The following NOX4 variants were observed in gnomAD, a reference collection of about 807,000 sequenced individuals.
NOX4 encodes kidney oxidase-1.
NOX4 carries 69 observed loss-of-function variants against 87.6 expected under a neutral mutation model. The observed-to-expected ratio is 0.79, with a 90% CI of 0.65 to 0.96. The LOEUF (loss-of-function observed/expected upper bound fraction) is 0.96. Among genes scored for constraint, NOX4 ranks in the 40% least tolerant of loss-of-function variants. The pLI is 0.00. For synonymous variants in NOX4, 275 were observed against 238.2 expected (o/e 1.15, Z -1.42); for missense variants, 680 against 681.5 (o/e 1.00, Z 0.02).
chr11:89,444,308 C>G (rs1049269880), intron 4 of NOX4, 76 bp from the exon 5 acceptor site: 1 of 1,226,962 alleles, frequency 8.2e-7, no homozygotes, highest in Non-Finnish European at 1.2e-6. Flanking sequence ...TCTTCCTCTC[C>G]CTAAGTAAAT....
intron 2 of NOX4, among the ~76,000 whole-genome samples, chr11:89,460,296 C>T (rs536508248): frequency 6.6e-6 from 1 of 152,232 alleles, no homozygotes; most frequent in South Asian, 2.1e-4. Flanking sequence ...GCAACAAAAG[C>T]CACAATTGAC....
intron 12 of NOX4, among the ~76,000 whole-genome samples, chr11:89,364,198 G>A (rs928839462): frequency 2.0e-5 from 3 of 152,000 alleles, no homozygotes; most frequent in African/African-American, 7.2e-5. Context: ...AGTGAGCTAT[G>A]ATTATGCTAC....
intron 17 of NOX4, among the ~76,000 whole-genome samples, chr11:89,330,161 A>C (rs543716747): frequency 2.6e-5 from 4 of 152,146 alleles, no homozygotes; most frequent in Admixed American, 2.0e-4. Flanking sequence ...CAGCCTGGCC[A>C]ACAGAGTGAG....
intron 15 of NOX4, among the ~76,000 whole-genome samples, chr11:89,339,093 A>T (rs1020252780): frequency 5.9e-5 from 9 of 152,184 alleles, no homozygotes; most frequent in Non-Finnish European, 8.8e-5. Flanking sequence ...TGAATGATAG[A>T]ATGACTGACT....
rs184578222 is a variant in NOX4, at chr11:89,433,574, A to G, written c.476-718T>C. Among the ~76,000 whole-genome samples, 446 of 152,208 alleles carry G rather than the reference A, an allele frequency of 2.9e-3. 1 individual carries two copies. Among genetic ancestry groups the G allele is most frequent in the African/African-American group, 8.9e-3 (368 of 41,562 alleles). Reference sequence around the variant, plus strand: ...TAACTGCTTTTAGGCTTCACTAACTAGAATAATTTTAAACAAAAAATAAAG... The same window carrying G: ...TAACTGCTTTTAGGCTTCACTAACTGGAATAATTTTAAACAAAAAATAAAG... On this transcript the variant is annotated intron_variant, in intron 6 of 17. Transcript: ENST00000263317.
intron 12 of NOX4, among the ~76,000 whole-genome samples, chr11:89,360,125 G>C (rs1413371807): frequency 6.6e-6 from 1 of 151,870 alleles, no homozygotes; most frequent in Non-Finnish European, 1.5e-5. Flanking sequence ...CCCCAAAAAG[G>C]GTCAATAAGA....
the NOX4 span, among the ~76,000 whole-genome samples, chr11:89,540,310 A>G: frequency 6.6e-6 from 1 of 152,154 alleles, no homozygotes; most frequent in Non-Finnish European, 1.5e-5. Context: ...TAGCTTTGCC[A>G]GCTGGGTACT....
Position 89,353,570 on chromosome 11 carries a change from C to T in NOX4, c.1217+1392G>A, listed in dbSNP as rs184812620. Among the ~76,000 whole-genome samples the T allele has an allele frequency of 2.0e-5, 3 of 152,044 alleles. No individual in the cohort carries two copies. The South Asian group carries it at 6.2e-4, about 32-fold the overall frequency. On this transcript the variant is annotated intron_variant, in intron 13 of 17. Transcript: ENST00000263317. ...ATACTGTTAAAATTACTTTTATATG[C>T]AGTGAGAAACTTAAAAAAAAGTGTG...
At chr11:89,533,254 C>G in the NOX4 span, among the ~76,000 whole-genome samples, 1 of 152,092 alleles carries the variant, frequency 6.6e-6, no homozygotes, top group Admixed American at 6.5e-5. Flanking sequence ...TGCTCATGCA[C>G]TTGAATTTCC....
the NOX4 span, among the ~76,000 whole-genome samples, chr11:89,503,315 A>G: frequency 2.0e-5 from 3 of 151,992 alleles, no homozygotes; most frequent in East Asian, 1.9e-4. Flanking sequence ...AAAGAGTCCA[A>G]TTCTATTTAT....
chr11:89,403,706 G>T (rs191723237), intron 8 of NOX4, among the ~76,000 whole-genome samples: 1 of 152,152 alleles, frequency 6.6e-6, no homozygotes, highest in Non-Finnish European at 1.5e-5. Context: ...TCACACCATT[G>T]CACTCCAGCC....
At chr11:89,446,867 A>G (rs1944731899) in intron 4 of NOX4, among the ~76,000 whole-genome samples, 1 of 152,142 alleles carries the variant, frequency 6.6e-6, no homozygotes, top group African/African-American at 2.4e-5. Flanking sequence ...TAAAGCATGG[A>G]CTTTAGGTTA....
the NOX4 span, among the ~76,000 whole-genome samples, chr11:89,519,728 AT>A: frequency 1.8e-3 from 279 of 152,200 alleles, no homozygotes; most frequent in African/African-American, 6.5e-3. Context: ...TAGCTAACAT[AT>A]ATAAGCAGTA....
At chr11:89,417,189 G>T (rs748106450) in intron 8 of NOX4, among the ~76,000 whole-genome samples, 11 of 152,082 alleles carry the variant, frequency 7.2e-5, no homozygotes, top group Non-Finnish European at 1.2e-4. Flanking sequence ...ACATTTCTTC[G>T]AAAGGAGCTG....
At chr11:89,490,746 C>T (rs868390053) in intron 1 of NOX4, 193 bp from the exon 2 acceptor site, 5 of 699,392 alleles carry the variant, frequency 7.1e-6, no homozygotes, top group African/African-American at 3.5e-5. Flanking sequence ...TTACCCAGCC[C>T]TTTCACCTGA....
intron 6 of NOX4, among the ~76,000 whole-genome samples, chr11:89,433,903 G>A (rs1180052509): frequency 1.3e-5 from 2 of 151,932 alleles, no homozygotes; most frequent in African/African-American, 4.8e-5. Context: ...AAGTGTCAAT[G>A]GTCTCCTTTA....
the NOX4 span, chr11:89,548,471 A>G: frequency 6.6e-6 from 1 of 152,206 alleles, no homozygotes; most frequent in African/African-American, 2.4e-5. Context: ...ACTTTGTTGT[A>G]GTAATCTAGA....
the NOX4 span, among the ~76,000 whole-genome samples, chr11:89,566,091 G>A: frequency 6.7e-6 from 1 of 149,404 alleles, no homozygotes; most frequent in Non-Finnish European, 1.5e-5. Flanking sequence ...CGCCTAGGCT[G>A]GAGTGTAGTG....
chr11:89,450,488 T>A (rs1287474960), intron 3 of NOX4, among the ~76,000 whole-genome samples: 1 of 152,110 alleles, frequency 6.6e-6, no homozygotes, highest in Middle Eastern at 3.2e-3. Context: ...AAAAAAGAAT[T>A]TTTGTTGATT....
Sources: gnomAD v4.1 joint callset for allele counts (sites outside exome capture counted in the v4.1 genomes callset) on GRCh38, gnomAD v4.1.1 for gene constraint, MANE v1.5 for transcripts, NCBI Gene and HGNC (gene_info 2026-07-23, HGNC 2026-07-21) for gene names.